Variants in SLC44A1 observed in about 807,000 individuals in gnomAD.
SLC44A1 encodes choline transporter-like protein 1.
A neutral mutation model predicts 79.3 loss-of-function variants in SLC44A1; 26 were observed. The ratio of observed to expected loss-of-function variants is 0.33; its 90% CI spans 0.24 to 0.46. SLC44A1 has a LOEUF of 0.46. Ranked by LOEUF, SLC44A1 falls within the 20% of genes least tolerant of loss-of-function variation. SLC44A1 has a pLI of 1.00. For synonymous variants in SLC44A1, 263 were observed against 286.2 expected, an observed-to-expected ratio of 0.92 and a Z score of 0.82; for missense variants, 688 against 798.1, an observed-to-expected ratio of 0.86 and a Z score of 1.66.
At position 105,389,153 on chromosome 9, in the gene SLC44A1, GTA is replaced by G. The variant is rs1828702075; in HGVS notation, c.*99_*100del. 7.8e-6 allele frequency: 12 copies of G among 1,538,314 alleles called. No individual in the cohort carries two copies. The highest frequency in any genetic ancestry group is 1.1e-5 in the Non-Finnish European group (12 of 1,125,808). On this transcript the variant is annotated 3_prime_UTR_variant, in exon 16 of 16. Transcript: ENST00000374720. ...TGTGGGTGTGTGTATATATGTATAT[GTA>G]TGTGTGTATATATGTATATGTATAT...
At chr9:105,262,687 A>G (rs902490387) in intron 1 of SLC44A1, among the ~76,000 whole-genome samples, 1 of 152,110 alleles carries the variant, frequency 6.6e-6, no homozygotes, top group African/African-American at 2.4e-5. Flanking sequence ...TCTCATACCT[A>G]ACTGGGCACA....
intron 1 of SLC44A1, among the ~76,000 whole-genome samples, chr9:105,259,638 G>GT (rs1211343974): frequency 6.6e-6 from 1 of 152,122 alleles, no homozygotes; most frequent in Non-Finnish European, 1.5e-5. Context: ...ATGTGGTTTT[G>GT]TATTTTCATG....
intron 1 of SLC44A1, among the ~76,000 whole-genome samples, chr9:105,291,344 G>A: frequency 6.6e-6 from 1 of 152,210 alleles, no homozygotes. Context: ...GCAAAATAAA[G>A]TCTTCACAGA....
chr9:105,330,516 A>C (rs1254190593), intron 3 of SLC44A1, among the ~76,000 whole-genome samples: 5 of 152,246 alleles, frequency 3.3e-5, no homozygotes, highest in Non-Finnish European at 7.3e-5. Context: ...CTTCTATGGC[A>C]TCATATCATT....
At chr9:105,436,174 G>A (rs1160579721) in intron 15 of SLC44A1, among the ~76,000 whole-genome samples, 2 of 152,116 alleles carry the variant, frequency 1.3e-5, no homozygotes, top group African/African-American at 4.8e-5. Flanking sequence ...CCCCATCCTG[G>A]GTGAGAAAGC....
intron 12 of SLC44A1, among the ~76,000 whole-genome samples, chr9:105,367,225 TTC>T (rs1287342004): frequency 1.3e-5 from 2 of 152,194 alleles, no homozygotes; most frequent in Non-Finnish European, 2.9e-5. Flanking sequence ...AAAATTGACT[TTC>T]TCACCATTTA....
chr9:105,410,955 T>C (rs1314530020), intron 15 of SLC44A1, among the ~76,000 whole-genome samples: 1 of 152,208 alleles, frequency 6.6e-6, no homozygotes, highest in Non-Finnish European at 1.5e-5. Context: ...TATTGTATGA[T>C]TCCATGTATA....
intron 7 of SLC44A1, among the ~76,000 whole-genome samples, chr9:105,358,883 A>G (rs1001502624): frequency 6.6e-6 from 1 of 152,074 alleles, no homozygotes; most frequent in Non-Finnish European, 1.5e-5. Flanking sequence ...TCACTTCCAC[A>G]GTTGTTTTCA....
intron 13 of SLC44A1, 129 bp downstream of exon 13, chr9:105,374,864 T>C: frequency 1.5e-6 from 1 of 661,068 alleles, no homozygotes; most frequent in East Asian, 2.7e-5. Flanking sequence ...AGAAAGCCCT[T>C]ACTGTGTGTC....
chr9:105,260,499 T>G (rs564937018), intron 1 of SLC44A1, among the ~76,000 whole-genome samples: 2 of 152,326 alleles, frequency 1.3e-5, no homozygotes, highest in African/African-American at 4.8e-5. Context: ...TAACTAAGAA[T>G]CACTCAGCTC....
intron 3 of SLC44A1, among the ~76,000 whole-genome samples, chr9:105,324,667 G>A (rs1826514803): frequency 6.6e-6 from 1 of 152,142 alleles, no homozygotes; most frequent in South Asian, 2.1e-4. Flanking sequence ...CTTACTCAGA[G>A]ATCTGAAAGA....
intron 12 of SLC44A1, among the ~76,000 whole-genome samples, chr9:105,368,494 T>G (rs953935495): frequency 6.6e-6 from 1 of 152,128 alleles, no homozygotes; most frequent in African/African-American, 2.4e-5. Flanking sequence ...GTTTCATAGA[T>G]GAGAAAATTG....
At chr9:105,245,333 G>A (rs1036855431) in intron 1 of SLC44A1, among the ~76,000 whole-genome samples, 7 of 152,216 alleles carry the variant, frequency 4.6e-5, no homozygotes, top group Non-Finnish European at 8.8e-5. Flanking sequence ...CGTTTTCTGT[G>A]CTCCTCGCAG....
chr9:105,299,971 A>G (rs755386244), intron 2 of SLC44A1: 42 of 982,644 alleles, frequency 4.3e-5, no homozygotes, highest in Non-Finnish European at 4.7e-5. Context: ...TTGCATACTC[A>G]CTCTGCCCTA....
intron 3 of SLC44A1, among the ~76,000 whole-genome samples, chr9:105,329,159 A>G (rs541920558): frequency 4.6e-5 from 7 of 152,312 alleles, no homozygotes; most frequent in South Asian, 4.1e-4. Flanking sequence ...TCAGTTTGGT[A>G]TGATTCACTC....
intron 4 of SLC44A1, among the ~76,000 whole-genome samples, chr9:105,346,578 A>G (rs1056337965): frequency 1.3e-5 from 2 of 152,124 alleles, no homozygotes; most frequent in African/African-American, 4.8e-5. Context: ...TTCATGAGCA[A>G]TTCTGTACTA....
chr9:105,396,346 G>C lies in SLC44A1; in HGVS notation c.*7290G>C. 1 of 985,364 alleles carries C rather than the reference G, an allele frequency of 1.0e-6. No individual in the cohort carries two copies. The highest frequency in any genetic ancestry group is 1.2e-6 in the Non-Finnish European group (1 of 829,902). The allele number at this position is 985,364 out of a possible 1,614,324, so 61.0% of individuals were successfully genotyped here. Reference sequence around the variant, plus strand: ...AGAAAAAAACTTTAACAAAAAGGCAGGGAGAAAAGTGTGAAGGGCATCAAG... The same window carrying C: ...AGAAAAAAACTTTAACAAAAAGGCACGGAGAAAAGTGTGAAGGGCATCAAG... On this transcript the variant is annotated 3_prime_UTR_variant, in exon 16 of 16. Coordinates refer to ENST00000374720, the MANE Select transcript of SLC44A1 (RefSeq NM_080546.5).
chr9:105,274,748 G>A (rs79971185), intron 1 of SLC44A1, among the ~76,000 whole-genome samples: 4,940 of 152,154 alleles, frequency 0.032, 269 homozygotes, highest in African/African-American at 0.11. Flanking sequence ...TATATGTAGT[G>A]GTATGTATTT....
rs35324360 is a variant in SLC44A1 at position 105,336,134 on chromosome 9, ATGTG to A, written c.406+461_406+464del. 4.5e-3 allele frequency among the ~76,000 whole-genome samples: 649 copies of A among 144,992 alleles called. 1 individual carries two copies. Among genetic ancestry groups the A allele is most frequent in the Middle Eastern group, 0.011 (3 of 278 alleles). Reference sequence around the variant, plus strand: ...TACATACATATGTGTGTGTGTGTGCATGTGTGTGTGTGTGTGTGTGTGTGTGTGT... The same window carrying A: ...TACATACATATGTGTGTGTGTGTGCATGTGTGTGTGTGTGTGTGTGTGTGT... On this transcript the variant is annotated intron_variant, in intron 4 of 15. Transcript: ENST00000374720.
Sources: gnomAD v4.1 joint callset for allele counts (sites outside exome capture counted in the v4.1 genomes callset) on GRCh38, gnomAD v4.1.1 for gene constraint, MANE v1.5 for transcripts, NCBI Gene and HGNC (gene_info 2026-07-23, HGNC 2026-07-21) for gene names.